The following PBX3 variants were observed in gnomAD, a reference collection of about 807,000 sequenced individuals.
The protein encoded by PBX3 is PBX homeobox 3.
A neutral mutation model predicts 48.5 loss-of-function variants in PBX3; 14 were observed. The observed-to-expected ratio is 0.29, with a 90% CI of 0.19 to 0.45. PBX3 has a LOEUF of 0.45. PBX3 is among the 20% of genes least tolerant of loss of function. The pLI is 1.00. For missense variants in PBX3, 386 were observed against 546.7 expected, an observed-to-expected ratio of 0.71 and a Z score of 2.93; for synonymous variants, 210 against 200.3, an observed-to-expected ratio of 1.05 and a Z score of -0.41.
Position 125,747,413 on chromosome 9 carries a change from T to G in PBX3, c.-41T>G, listed in dbSNP as rs767246657. ...CGCCGCCGCCGCCGCCGCCTCAGCC[T>G]TCGCCTCAGCCGCCGCCCGCTCCCG... On this transcript the variant is annotated 5_prime_UTR_variant, in exon 1 of 9. Transcript: ENST00000373489. The G allele has an allele frequency of 7.0e-6, 8 of 1,138,334 alleles. No homozygotes were observed. In the South Asian group the frequency reaches 1.4e-4, roughly 20 times the overall value. The allele number at this position is 1,138,334 out of a possible 1,614,324, so 70.5% of individuals were successfully genotyped here.
intron 2 of PBX3, among the ~76,000 whole-genome samples, chr9:125,886,040 C>T (rs1434460566): frequency 6.6e-6 from 1 of 151,890 alleles, no homozygotes; most frequent in Admixed American, 6.6e-5. Flanking sequence ...TGCTAGGTAT[C>T]CCTGGGGCCC....
intron 2 of PBX3, among the ~76,000 whole-genome samples, chr9:125,814,840 G>A (rs1349789848): frequency 1.3e-5 from 2 of 152,064 alleles, no homozygotes; most frequent in African/African-American, 2.4e-5. Flanking sequence ...CATTAATGTG[G>A]TCCTTATATA....
At chr9:125,826,604 A>G (rs1838814974) in intron 2 of PBX3, among the ~76,000 whole-genome samples, 1 of 152,174 alleles carries the variant, frequency 6.6e-6, no homozygotes, top group African/African-American at 2.4e-5. Flanking sequence ...TTGAAAATAT[A>G]TGCATAAGAT....
chr9:125,868,651 A>G (rs769186590), intron 2 of PBX3, among the ~76,000 whole-genome samples: 1 of 152,222 alleles, frequency 6.6e-6, no homozygotes, highest in Non-Finnish European at 1.5e-5. Flanking sequence ...AGCTCTTCAC[A>G]TAAAGCCAGA....
At chr9:125,886,909 C>T (rs779106737) in intron 2 of PBX3, among the ~76,000 whole-genome samples, 32 of 152,080 alleles carry the variant, frequency 2.1e-4, no homozygotes, top group Admixed American at 3.9e-4. Flanking sequence ...TGATTATAGA[C>T]TTCACTAATT....
At chr9:125,795,352 TTC>T (rs971075938) in intron 2 of PBX3, among the ~76,000 whole-genome samples, 4 of 152,206 alleles carry the variant, frequency 2.6e-5, no homozygotes, top group African/African-American at 9.6e-5. Context: ...CTTTTTACCT[TTC>T]CAGGGAAATT....
At chr9:125,923,339 G>A (rs1464109757) in intron 3 of PBX3, among the ~76,000 whole-genome samples, 1 of 152,172 alleles carries the variant, frequency 6.6e-6, no homozygotes, top group Non-Finnish European at 1.5e-5. Context: ...TGTCATAGAT[G>A]TATGTTACCA....
chr9:125,811,542 A>G (rs1273706645), intron 2 of PBX3, among the ~76,000 whole-genome samples: 1 of 152,112 alleles, frequency 6.6e-6, no homozygotes, highest in Non-Finnish European at 1.5e-5. Context: ...TTCCCTGTGA[A>G]GAGGTTCCTT....
chr9:125,910,669 A>T (rs988607064), intron 2 of PBX3, among the ~76,000 whole-genome samples: 2 of 151,538 alleles, frequency 1.3e-5, no homozygotes, highest in African/African-American at 4.9e-5. Context: ...TGACTGCCAT[A>T]TTCAGTGGAT....
chr9:125,895,885 C>T (rs530832065), intron 2 of PBX3, among the ~76,000 whole-genome samples: 27 of 151,940 alleles, frequency 1.8e-4, no homozygotes, highest in Non-Finnish European at 3.5e-4. Context: ...ATAACCTTCC[C>T]TTGATATTAT....
chr9:125,920,330 G>A (rs1163298019), intron 3 of PBX3, among the ~76,000 whole-genome samples: 2 of 152,120 alleles, frequency 1.3e-5, no homozygotes, highest in Non-Finnish European at 2.9e-5. Flanking sequence ...TATGGTTAAA[G>A]GACCACTGTT....
At chr9:125,896,858 A>G (rs1411697419) in intron 2 of PBX3, among the ~76,000 whole-genome samples, 2 of 152,034 alleles carry the variant, frequency 1.3e-5, no homozygotes, top group Non-Finnish European at 2.9e-5. Flanking sequence ...TTACACTCTA[A>G]CAAATGTTAG....
chr9:125,899,268 A>T (rs1243216341), intron 2 of PBX3, among the ~76,000 whole-genome samples: 6 of 119,420 alleles, frequency 5.0e-5, no homozygotes, highest in African/African-American at 1.9e-4. Context: ...TTTATATATA[A>T]ATATACATAT....
rs545123586 is a variant in PBX3 at position 125,757,514 on chromosome 9, A to C, written c.274+8891A>C. Among the ~76,000 whole-genome samples the C allele has an allele frequency of 7.9e-5, 12 of 152,288 alleles. No homozygotes were observed. The South Asian group carries it at 1.7e-3, about 21-fold the overall frequency. On this transcript the variant is annotated intron_variant, in intron 2 of 8. Transcript: ENST00000373489. ...TTGATTGGGACTGTTGGTCCATTAA[A>C]AGATATGTGTGTAATTAATATCTTT...
At chr9:125,765,582 G>GT (rs145127158) in intron 2 of PBX3, among the ~76,000 whole-genome samples, 4 of 151,754 alleles carry the variant, frequency 2.6e-5, no homozygotes, top group East Asian at 1.9e-4. Flanking sequence ...AATACTACCT[G>GT]TTTTTTTTCT....
chr9:125,800,137 A>G (rs1043498643), intron 2 of PBX3, among the ~76,000 whole-genome samples: 2 of 152,206 alleles, frequency 1.3e-5, no homozygotes, highest in East Asian at 1.9e-4. Flanking sequence ...TTTTGCTTCA[A>G]CTATGGACTC....
At chr9:125,892,560 T>G (rs1040219942) in intron 2 of PBX3, among the ~76,000 whole-genome samples, 1 of 152,226 alleles carries the variant, frequency 6.6e-6, no homozygotes, top group African/African-American at 2.4e-5. Context: ...CACATTTTTA[T>G]GCACTAAATA....
At chr9:125,790,980 C>T (rs1015328937) in intron 2 of PBX3, among the ~76,000 whole-genome samples, 3 of 151,692 alleles carry the variant, frequency 2.0e-5, no homozygotes, top group African/African-American at 7.3e-5. Context: ...GTGGTGCAAC[C>T]TTGGCTCACT....
At chr9:125,774,199 TAC>T (rs1837013491) in intron 2 of PBX3, among the ~76,000 whole-genome samples, 1 of 152,132 alleles carries the variant, frequency 6.6e-6, no homozygotes, top group South Asian at 2.1e-4. Context: ...GGGGAGCTGC[TAC>T]ACACTTTTAA....
Sources: allele counts gnomAD v4.1 joint callset (sites outside exome capture counted in the v4.1 genomes callset), GRCh38; gene constraint gnomAD v4.1.1; transcripts MANE v1.5; gene names NCBI Gene and HGNC (gene_info 2026-07-23, HGNC 2026-07-21).